The following LRRC7 variants were observed in gnomAD, a reference collection of about 807,000 sequenced individuals.
The protein encoded by LRRC7 is leucine rich repeat containing 7, also known as leucine-rich repeat-containing protein 7.
LRRC7 carries 23 observed loss-of-function variants against 175.7 expected under a neutral mutation model. The ratio of observed to expected loss-of-function variants is 0.13; its 90% CI spans 0.09 to 0.19. The LOEUF is 0.19. Among genes scored for constraint, LRRC7 ranks in the 10% least tolerant of loss-of-function variants. The pLI, the probability that LRRC7 is intolerant of heterozygous loss-of-function variation, is 1.00. For missense variants in LRRC7, 1,354 were observed against 1,904.7 expected (o/e 0.71, Z 5.38); for synonymous variants, 685 against 680.9 (o/e 1.01, Z -0.09).
intron 2 of LRRC7, among the ~76,000 whole-genome samples, chr1:69,718,100 A>AG (rs1491360801): frequency 1.1e-5 from 1 of 88,968 alleles, no homozygotes; most frequent in African/African-American, 4.8e-5. Flanking sequence ...GAAAGAGAAG[A>AG]AAGAGAGAAA....
intron 2 of LRRC7, among the ~76,000 whole-genome samples, chr1:69,681,065 C>T (rs1032695549): frequency 6.6e-6 from 1 of 151,988 alleles, no homozygotes; most frequent in African/African-American, 2.4e-5. Flanking sequence ...ATATTACCAC[C>T]ACTATTTTTA....
chr1:69,797,779 A>G (rs1490743577), intron 4 of LRRC7, among the ~76,000 whole-genome samples: 3 of 152,196 alleles, frequency 2.0e-5, no homozygotes, highest in African/African-American at 7.2e-5. Context: ...TTACTCTCCA[A>G]TATAAGATAT....
chr1:69,696,682 A>T (rs1662632517), intron 2 of LRRC7, among the ~76,000 whole-genome samples: 1 of 152,194 alleles, frequency 6.6e-6, no homozygotes, highest in Non-Finnish European at 1.5e-5. Flanking sequence ...CAGATTCCTC[A>T]TGAGGCTTGG....
chr1:69,835,602 C>T (rs2101335686), intron 6 of LRRC7, among the ~76,000 whole-genome samples: 1 of 152,086 alleles, frequency 6.6e-6, no homozygotes, highest in African/African-American at 2.4e-5. Context: ...AATGTTATGA[C>T]CTTCATGCAG....
intron 18 of LRRC7, among the ~76,000 whole-genome samples, chr1:70,031,880 C>T (rs186154355): frequency 8.6e-5 from 13 of 151,800 alleles, no homozygotes; most frequent in African/African-American, 2.7e-4. Flanking sequence ...CTCACTGCAA[C>T]TTCCGACTCC....
intron 18 of LRRC7, among the ~76,000 whole-genome samples, chr1:70,034,940 C>T (rs1369150312): frequency 6.6e-6 from 1 of 152,190 alleles, no homozygotes; most frequent in African/African-American, 2.4e-5. Context: ...CTGAGCATGT[C>T]ACTATGGGGG....
Position 70,076,064 on chromosome 1 carries a change from A to G in LRRC7, c.4231-13A>G, listed in dbSNP as rs769230502. 3 of 1,612,544 alleles carry G rather than the reference A, an allele frequency of 1.9e-6. No individual in the cohort carries two copies. Among genetic ancestry groups the G allele is most frequent in the Non-Finnish European group, 1.7e-6 (2 of 1,179,694 alleles). On this transcript the variant is annotated splice_polypyrimidine_tract_variant and intron_variant, in intron 23 of 26. Coordinates refer to ENST00000651989, the MANE Select transcript of LRRC7 (RefSeq NM_001370785.2). The stretch of plus-strand genomic sequence containing the variant: ...ACCATGAATCTTTGCCTGACAGATT[A>G]TCTTCTCCACAGGCAGGCAGCCACA...
At chr1:69,725,335 G>A (rs115018271) in intron 2 of LRRC7, among the ~76,000 whole-genome samples, 86 of 152,128 alleles carry the variant, frequency 5.7e-4, no homozygotes, top group Middle Eastern at 3.4e-3. Context: ...AAGTGGGCCC[G>A]TACAATTCAA....
At chr1:69,963,844 A>G (rs1484443509) in intron 8 of LRRC7, among the ~76,000 whole-genome samples, 1 of 152,228 alleles carries the variant, frequency 6.6e-6, no homozygotes, top group Non-Finnish European at 1.5e-5. Context: ...AACATAAAAT[A>G]CTGGAATGTA....
At chr1:70,004,019 T>A (rs1655773861) in intron 11 of LRRC7, among the ~76,000 whole-genome samples, 1 of 152,184 alleles carries the variant, frequency 6.6e-6, no homozygotes, top group African/African-American at 2.4e-5. Flanking sequence ...ATCAACTTTC[T>A]AAATAGTGAA....
At chr1:69,996,426 T>G (rs1570952779) in intron 11 of LRRC7, among the ~76,000 whole-genome samples, 1 of 151,982 alleles carries the variant, frequency 6.6e-6, no homozygotes, top group Admixed American at 6.6e-5. Flanking sequence ...GTCAATTTTG[T>G]CTTTTGTTGC....
Position 70,038,501 on chromosome 1 carries a change from A to T in LRRC7, c.2677A>T (p.Arg893Trp). 1 of 1,614,136 alleles carries T rather than the reference A, an allele frequency of 6.2e-7. No homozygotes were observed. The highest frequency in any genetic ancestry group is 8.5e-7 in the Non-Finnish European group (1 of 1,180,000). The change falls in exon 21 of 27, where the codon AGG becomes TGG. Residue 893 changes from arginine (R) to tryptophan (W), a missense_variant. Arg to Trp is a moderately radical substitution (Grantham distance 101). This residue lies in a region of LRRC7 where 1,032 missense variants were observed against 1,227.2 expected (regional missense o/e 0.84). Coordinates refer to ENST00000651989, the MANE Select transcript of LRRC7 (RefSeq NM_001370785.2). The part of the protein sequence containing the change: ...WTRTPSPFED[R>W]TAFPSKLETT... ...CAGAACCCCTAGTCCGTTTGAAGACAGGACCGCTTTTCCTTCCAAATTAGA... is the reference window on the plus strand; with the variant it reads ...CAGAACCCCTAGTCCGTTTGAAGACTGGACCGCTTTTCCTTCCAAATTAGA...
intron 22 of LRRC7, among the ~76,000 whole-genome samples, chr1:70,048,748 G>A (rs1371692370): frequency 6.6e-6 from 1 of 152,066 alleles, no homozygotes; most frequent in Non-Finnish European, 1.5e-5. Context: ...TTTAATGAAT[G>A]CCAGTAATTA....
chr1:69,747,709 A>G (rs901164021), intron 2 of LRRC7, among the ~76,000 whole-genome samples: 1 of 152,168 alleles, frequency 6.6e-6, no homozygotes, highest in Non-Finnish European at 1.5e-5. Context: ...ACTTATTACA[A>G]CATGAATCAG....
At position 70,121,925 on chromosome 1, in the gene LRRC7, C is replaced by A; in HGVS notation, c.*38C>A. On this transcript the variant is annotated 3_prime_UTR_variant, in exon 27 of 27. Coordinates refer to ENST00000651989, the MANE Select transcript of LRRC7 (RefSeq NM_001370785.2). Reference sequence around the variant, plus strand: ...AATAGTGAAGATACGTCTAGCCAGACCTAATGTTCAAAAATAAATTTATAC... The same window carrying A: ...AATAGTGAAGATACGTCTAGCCAGAACTAATGTTCAAAAATAAATTTATAC... The A allele has an allele frequency of 1.4e-6, 2 of 1,412,998 alleles. No individual in the cohort carries two copies. Among genetic ancestry groups the A allele is most frequent in the Non-Finnish European group, 2.0e-6 (2 of 1,015,718 alleles). The allele number at this position is 1,412,998 out of a possible 1,614,324, so 87.5% of individuals were successfully genotyped here.
chr1:70,118,657 T>C (rs1666019744), intron 26 of LRRC7, among the ~76,000 whole-genome samples: 1 of 152,198 alleles, frequency 6.6e-6, no homozygotes, highest in Admixed American at 6.5e-5. Context: ...TATCAGGTGA[T>C]TCAGCCTTAG....
intron 22 of LRRC7, among the ~76,000 whole-genome samples, chr1:70,047,075 A>G (rs1468428663): frequency 1.3e-5 from 2 of 152,270 alleles, no homozygotes; most frequent in East Asian, 3.9e-4. Context: ...GGTCCTTAAG[A>G]CTTCTTTGCA....
chr1:69,850,083 G>A (rs1682807929), intron 7 of LRRC7, among the ~76,000 whole-genome samples: 1 of 151,958 alleles, frequency 6.6e-6, no homozygotes, highest in Non-Finnish European at 1.5e-5. Context: ...TGGTTTTTTT[G>A]TCGTTGTTTT....
chr1:69,971,321 G>A (rs1170195458), intron 8 of LRRC7, among the ~76,000 whole-genome samples: 2 of 152,144 alleles, frequency 1.3e-5, no homozygotes, highest in Non-Finnish European at 2.9e-5. Context: ...AATTGGTAAA[G>A]AAGAAGTCAA....
Sources: gnomAD v4.1 joint callset for allele counts (sites outside exome capture counted in the v4.1 genomes callset) on GRCh38, gnomAD v4.1.1 for gene constraint, gnomAD v4.1.1 regional missense constraint, MANE v1.5 for transcripts, NCBI Gene and HGNC (gene_info 2026-07-23, HGNC 2026-07-21) for gene names.